The following SLC35F4 variants were observed in gnomAD, a reference collection of about 807,000 sequenced individuals.
The protein encoded by SLC35F4 is solute carrier family 35 member F4, also known as chromosome 14 open reading frame 36.
In SLC35F4, 24 loss-of-function variants were observed where a neutral mutation model predicts 44.2. The observed-to-expected ratio is 0.54, with a 90% confidence interval of 0.39 to 0.76. The LOEUF (loss-of-function observed/expected upper bound fraction) is 0.76. SLC35F4 is among the 30% of genes least tolerant of loss of function. The pLI, the probability that SLC35F4 is intolerant of heterozygous loss-of-function variation, is 0.00. For synonymous variants in SLC35F4, 238 were observed against 223.6 expected, an observed-to-expected ratio of 1.06 and a Z score of -0.57; for missense variants, 562 against 586.1, an observed-to-expected ratio of 0.96 and a Z score of 0.42.
intron 2 of SLC35F4, 38 bp downstream of exon 2, chr14:57,593,900 TA>T: frequency 6.2e-7 from 1 of 1,601,640 alleles, no homozygotes; most frequent in Non-Finnish European, 8.5e-7. Context: ...AGAAGCTTAC[TA>T]GGATGTACCG....
At chr14:57,666,882 A>G (rs2074327715) in intron 1 of SLC35F4, among the ~76,000 whole-genome samples, 1 of 152,104 alleles carries the variant, frequency 6.6e-6, no homozygotes, top group Non-Finnish European at 1.5e-5. Flanking sequence ...TACAATACCT[A>G]CAACAGTCTT....
intron 4 of SLC35F4, among the ~76,000 whole-genome samples, chr14:57,573,306 C>T (rs966321924): frequency 4.6e-5 from 7 of 152,082 alleles, no homozygotes; most frequent in Non-Finnish European, 1.5e-5. Context: ...TTAAAGTGTC[C>T]TTAATGAAAA....
intron 1 of SLC35F4, among the ~76,000 whole-genome samples, chr14:57,679,304 T>G (rs554011003): frequency 4.6e-5 from 7 of 152,046 alleles, no homozygotes; most frequent in African/African-American, 1.4e-4. Context: ...AAGGCAGAAA[T>G]AAATAAGTTC....
intron 1 of SLC35F4, among the ~76,000 whole-genome samples, chr14:57,661,963 A>T (rs1194676073): frequency 6.6e-6 from 1 of 152,204 alleles, no homozygotes; most frequent in Admixed American, 6.5e-5. Context: ...AACTGAGTGT[A>T]GCATTAGGGA....
chr14:57,958,239 T>C (rs183967349), intron 1 of SLC35F4, among the ~76,000 whole-genome samples: 2 of 152,214 alleles, frequency 1.3e-5, no homozygotes, highest in East Asian at 1.9e-4. Context: ...TTTGTATTTT[T>C]AGTAGAGACG....
chr14:57,736,101 T>G (rs1332631430), intron 1 of SLC35F4, among the ~76,000 whole-genome samples: 1 of 152,176 alleles, frequency 6.6e-6, no homozygotes, highest in Non-Finnish European at 1.5e-5. Flanking sequence ...GAAAACAATT[T>G]ACCACAGAAG....
chr14:57,568,072 G>A (rs2139675258), intron 6 of SLC35F4, among the ~76,000 whole-genome samples: 1 of 152,340 alleles, frequency 6.6e-6, no homozygotes, highest in Admixed American at 6.5e-5. Flanking sequence ...GTAAGATCCT[G>A]GGGTGTGTAA....
chr14:57,703,358 C>G (rs890470949), intron 1 of SLC35F4, among the ~76,000 whole-genome samples: 2 of 152,192 alleles, frequency 1.3e-5, no homozygotes, highest in Admixed American at 6.5e-5. Flanking sequence ...TGACAATTTG[C>G]AAGTTTGCAG....
chr14:57,725,284 G>T (rs1163073940), intron 1 of SLC35F4, among the ~76,000 whole-genome samples: 1 of 152,148 alleles, frequency 6.6e-6, no homozygotes, highest in Non-Finnish European at 1.5e-5. Flanking sequence ...GGCTGACCTG[G>T]CTATGGTCAC....
intron 1 of SLC35F4, among the ~76,000 whole-genome samples, chr14:57,800,985 C>A (rs1018226294): frequency 6.6e-6 from 1 of 152,162 alleles, no homozygotes; most frequent in African/African-American, 2.4e-5. Context: ...CCTAGCAAGA[C>A]AGGCCAACAT....
At chr14:57,892,051 T>C (rs948926959) in intron 1 of SLC35F4, among the ~76,000 whole-genome samples, 2 of 152,214 alleles carry the variant, frequency 1.3e-5, no homozygotes, top group African/African-American at 2.4e-5. Flanking sequence ...AAAATAAGAA[T>C]ATGGGAATCA....
At chr14:57,975,143 G>A (rs1178140010), downstream of SLC35F4, among the ~76,000 whole-genome samples, 1 of 152,184 alleles carries the variant, frequency 6.6e-6, no homozygotes, top group Non-Finnish European at 1.5e-5. Flanking sequence ...ATAAAGAGTT[G>A]ATCATTGAGG....
chr14:57,929,277 A>C (rs911964109), intron 1 of SLC35F4, among the ~76,000 whole-genome samples: 1 of 152,178 alleles, frequency 6.6e-6, no homozygotes, highest in Non-Finnish European at 1.5e-5. Context: ...AAAGATGAGT[A>C]AACTAAGCAA....
intron 1 of SLC35F4, among the ~76,000 whole-genome samples, chr14:57,608,200 G>A (rs1232064864): frequency 1.3e-5 from 2 of 152,030 alleles, no homozygotes; most frequent in African/African-American, 2.4e-5. Context: ...GTTGAATTGC[G>A]TCCCACTCTC....
At chr14:57,976,707 A>T (rs1239075369), downstream of SLC35F4, 1 of 152,250 alleles carries the variant, frequency 6.6e-6, no homozygotes, top group African/African-American at 2.4e-5. Flanking sequence ...TGCCTTCACT[A>T]GAACAAATCA....
At chr14:57,873,214 C>A (rs1294267637) in intron 1 of SLC35F4, among the ~76,000 whole-genome samples, 1 of 152,090 alleles carries the variant, frequency 6.6e-6, no homozygotes, top group Non-Finnish European at 1.5e-5. Context: ...CATTATCCCA[C>A]GAAGGGTCAA....
At position 57,569,994 on chromosome 14, in the gene SLC35F4, G is replaced by T. The variant is rs2068411013; in HGVS notation, c.934-14C>A. 2 of 1,583,766 alleles carry T rather than the reference G, an allele frequency of 1.3e-6. No homozygotes were observed. The highest frequency in any genetic ancestry group is 2.7e-5 in the African/African-American group (2 of 73,704). ...TTTAAACAAGACCTGGAATGAGAAA[G>T]AAACTCTACAGCCACACAGAAACTT... is the stretch of plus-strand genomic sequence containing the variant. On this transcript the variant is annotated splice_polypyrimidine_tract_variant and intron_variant, in intron 5 of 7. Coordinates refer to ENST00000556826, the MANE Select transcript of SLC35F4 (RefSeq NM_001306087.2).
intron 1 of SLC35F4, among the ~76,000 whole-genome samples, chr14:57,667,662 A>G (rs1172691844): frequency 6.6e-6 from 1 of 151,554 alleles, no homozygotes; most frequent in Non-Finnish European, 1.5e-5. Context: ...AAGGACATGA[A>G]CTCATCCTTG....
In SLC35F4 at chr14:57,844,977, T is replaced by C. The variant is rs77071428; in HGVS notation, c.103+20746A>G. Among the ~76,000 whole-genome samples, 744 of 151,800 alleles carry C rather than the reference T, an allele frequency of 4.9e-3. 9 individuals are homozygous for C. The highest frequency in any genetic ancestry group is 0.017 in the African/African-American group (714 of 41,454). On this transcript the variant is annotated intron_variant, in intron 1 of 7. Transcript: ENST00000556826. ...CACATACAAAATCTTAAGGCCATCT[T>C]GTTCAATCTCTTTTCTTCTTTCTAA...
Sources: gnomAD v4.1 joint callset for allele counts (sites outside exome capture counted in the v4.1 genomes callset) on GRCh38, gnomAD v4.1.1 for gene constraint, MANE v1.5 for transcripts, NCBI Gene and HGNC (gene_info 2026-07-23, HGNC 2026-07-21) for gene names.